SEMA3C: variants seen among roughly 807,000 people sequenced by gnomAD.
The protein encoded by SEMA3C is semaphorin-3C.
A neutral mutation model predicts 89.4 loss-of-function variants in SEMA3C; 47 were observed. That is an observed-to-expected ratio of 0.53 (90% confidence interval 0.42 to 0.67). The LOEUF (loss-of-function observed/expected upper bound fraction) is 0.67, where lower values mean the gene tolerates loss of function less well. SEMA3C is among the 30% of genes least tolerant of loss of function. The pLI is 0.00. For synonymous variants in SEMA3C, 310 were observed against 320.2 expected (o/e 0.97, Z 0.34); for missense variants, 839 against 929.1 (o/e 0.90, Z 1.26).
chr7:80,748,493 T>C (rs1366098718), intron 17 of SEMA3C, among the ~76,000 whole-genome samples: 1 of 152,186 alleles, frequency 6.6e-6, no homozygotes, highest in African/African-American at 2.4e-5. Context: ...ATGAAGGTTA[T>C]AGTTCAGTGT....
At chr7:80,895,299 A>G (rs757525777) in intron 2 of SEMA3C, among the ~76,000 whole-genome samples, 31 of 152,186 alleles carry the variant, frequency 2.0e-4, no homozygotes, top group Non-Finnish European at 3.5e-4. Flanking sequence ...AAGGGCAGAA[A>G]GCAATGGAAA....
At chr7:80,917,437 T>G (rs148495412) in intron 1 of SEMA3C, among the ~76,000 whole-genome samples, 1 of 152,206 alleles carries the variant, frequency 6.6e-6, no homozygotes, top group African/African-American at 2.4e-5. Context: ...GAAGTAACCA[T>G]GGACTAGTGC....
At chr7:80,915,600 G>C (rs59333816) in intron 2 of SEMA3C, 2 of 152,244 alleles carry the variant, frequency 1.3e-5, no homozygotes, top group Non-Finnish European at 2.9e-5. Context: ...AAATTAGCTC[G>C]GTGTGGTGGC....
chr7:80,902,139 G>C lies in SEMA3C; in HGVS notation c.103+14540C>G, dbSNP rs141588609. On this transcript the variant is annotated intron_variant, in intron 2 of 17. Coordinates refer to ENST00000265361, the MANE Select transcript of SEMA3C (RefSeq NM_006379.5). ...AACTAGTTTCTGTATGTTTTGTAGA[G>C]AAAGGATTTTACCATGTTACCTAGG... Among the ~76,000 whole-genome samples, 4 of 152,280 alleles carry C rather than the reference G, an allele frequency of 2.6e-5. No individual in the cohort carries two copies. The East Asian group carries it at 7.7e-4, about 29-fold the overall frequency.
At chr7:80,842,942 G>T (rs747722973) in intron 2 of SEMA3C, among the ~76,000 whole-genome samples, 11 of 152,038 alleles carry the variant, frequency 7.2e-5, no homozygotes, top group Non-Finnish European at 1.3e-4. Flanking sequence ...AATATGAAAA[G>T]AACAAAATTA....
Position 80,758,428 on chromosome 7 carries a change from T to C in SEMA3C, c.1546A>G (p.Ile516Val). The change falls in exon 15 of 18, where the codon ATC (isoleucine) becomes GTC (valine). Residue 516 changes from isoleucine to valine, a missense_variant. Ile to Val is a conservative substitution (Grantham distance 29, BLOSUM62 3). Transcript: ENST00000265361. Reference protein sequence around the residue: ...VSQVSLHRCHIYGTACADCCL... With the variant: ...VSQVSLHRCHVYGTACADCCL... ...CAGTCAGCACAGGCTGTACCATAGA[T>C]GTGGCAGCGGTGCAGAGATACCTGG... The C allele has an allele frequency of 6.2e-7, 1 of 1,614,046 alleles. No homozygotes were observed. Among genetic ancestry groups the C allele is most frequent in the South Asian group, 1.1e-5 (1 of 91,072 alleles).
chr7:80,801,380 G>T (rs1323183647), intron 9 of SEMA3C, among the ~76,000 whole-genome samples: 2 of 151,996 alleles, frequency 1.3e-5, no homozygotes. Context: ...AATTGCTAGT[G>T]ATACTTTTAT....
At chr7:80,791,448 C>A (rs1046869945) in intron 11 of SEMA3C, among the ~76,000 whole-genome samples, 11 of 152,136 alleles carry the variant, frequency 7.2e-5, no homozygotes, top group Admixed American at 7.2e-4. Flanking sequence ...ACAGCACTAT[C>A]GTGTTGGTTT....
At position 80,841,737 on chromosome 7, in the gene SEMA3C, T is replaced by G. The variant is rs1327888880; in HGVS notation, c.104-12992A>C. 4.6e-5 allele frequency among the ~76,000 whole-genome samples: 7 copies of G among 152,192 alleles called. No individual in the cohort carries two copies. In the South Asian group the frequency reaches 8.3e-4, roughly 18 times the overall value. On this transcript the variant is annotated intron_variant, in intron 2 of 17. Coordinates refer to ENST00000265361, the MANE Select transcript of SEMA3C (RefSeq NM_006379.5). ...TTCACTTGATGCATTCTTAAACTCATTTTCTTTTGAACACAGGAAAAATAT... is the reference window on the plus strand; with the variant it reads ...TTCACTTGATGCATTCTTAAACTCAGTTTCTTTTGAACACAGGAAAAATAT...
Position 80,761,640 on chromosome 7 carries a change from T to C in SEMA3C, c.1461A>G (p.Thr487=). Residue 487 remains threonine (T), a synonymous_variant, in exon 14 of 18, where the codon ACA becomes ACG. Coordinates refer to ENST00000265361, the MANE Select transcript of SEMA3C (RefSeq NM_006379.5). The part of the protein sequence containing the change: ...LEVFKNHAPI[T]TMKISSKKQQ... Reference sequence around the variant, plus strand: ...CCTTTTTAGATGAAATTTTCATTGTTGTTATAGGAGCATGATTCTAAAATA... The same window carrying C: ...CCTTTTTAGATGAAATTTTCATTGTCGTTATAGGAGCATGATTCTAAAATA... 1.5e-6 allele frequency: 2 copies of C among 1,347,858 alleles called. No homozygotes were observed. The highest frequency in any genetic ancestry group is 2.0e-6 in the Non-Finnish European group (2 of 976,890). The allele number at this position is 1,347,858 out of a possible 1,614,324, so 83.5% of individuals were successfully genotyped here. A position where few individuals can be genotyped will look rare whatever the true frequency, so the allele number is the denominator to read the frequency against.
At chr7:80,908,170 C>A (rs1282266630) in intron 2 of SEMA3C, among the ~76,000 whole-genome samples, 5 of 152,072 alleles carry the variant, frequency 3.3e-5, no homozygotes, top group African/African-American at 1.2e-4. Context: ...ACTGTGATCA[C>A]ATATATTATT....
In SEMA3C at chr7:80,781,040, C is replaced by T. The variant is rs575547337; in HGVS notation, c.1354+8266G>A. ...CATTTTCCAGCTTCTAGAGACCACC[C>T]GCTTTCCTTGGCATATGGTCTCATT... On this transcript the variant is annotated intron_variant, in intron 12 of 17. Transcript: ENST00000265361. Among the ~76,000 whole-genome samples, 4 of 152,294 alleles carry T rather than the reference C, an allele frequency of 2.6e-5. No individual in the cohort carries two copies. In the South Asian group the frequency reaches 6.2e-4, roughly 24 times the overall value.
At chr7:80,760,900 A>G (rs1788168816) in intron 14 of SEMA3C, among the ~76,000 whole-genome samples, 1 of 152,152 alleles carries the variant, frequency 6.6e-6, no homozygotes, top group African/African-American at 2.4e-5. Flanking sequence ...CTCCATTCTC[A>G]CTATATTACT....
At position 80,837,271 on chromosome 7, in the gene SEMA3C, G is replaced by A. The variant is rs140401547; in HGVS notation, c.104-8526C>T. On this transcript the variant is annotated intron_variant, in intron 2 of 17. Transcript: ENST00000265361. ...AACACATAGGAATGCTAAGTTTTCT[G>A]GGATTTGACATTTTCAGGAATCGAG... 8.3e-3 allele frequency among the ~76,000 whole-genome samples: 1,266 copies of A among 152,242 alleles called. 19 individuals carry two copies. The highest frequency in any genetic ancestry group is 0.04 in the South Asian group (195 of 4,822).
intron 2 of SEMA3C, among the ~76,000 whole-genome samples, chr7:80,833,508 C>T (rs989308230): frequency 3.9e-5 from 6 of 151,900 alleles, no homozygotes; most frequent in African/African-American, 1.5e-4. Flanking sequence ...CAATCTATCG[C>T]ATTAATTCAA....
chr7:80,833,771 A>T (rs35230654), intron 2 of SEMA3C, among the ~76,000 whole-genome samples: 9 of 146,908 alleles, frequency 6.1e-5, no homozygotes, highest in Admixed American at 6.8e-5. Context: ...AGAAACGACC[A>T]TTTTTTTTTT....
chr7:80,815,760 T>C (rs533308843), intron 5 of SEMA3C, among the ~76,000 whole-genome samples: 2 of 152,244 alleles, frequency 1.3e-5, no homozygotes, highest in Non-Finnish European at 2.9e-5. Flanking sequence ...TTGATACCTA[T>C]GACACTCTTG....
At chr7:80,912,496 C>A (rs1232928128) in intron 2 of SEMA3C, among the ~76,000 whole-genome samples, 1 of 152,134 alleles carries the variant, frequency 6.6e-6, no homozygotes, top group East Asian at 1.9e-4. Flanking sequence ...CAGGTAATGT[C>A]CAACTCACAA....
chr7:80,919,979 T>C (rs1303718967), upstream of SEMA3C, among the ~76,000 whole-genome samples: 1 of 152,192 alleles, frequency 6.6e-6, no homozygotes, highest in Non-Finnish European at 1.5e-5. Context: ...GCAGTAATTC[T>C]GTTGACCCCT....
Sources: allele counts gnomAD v4.1 joint callset (sites outside exome capture counted in the v4.1 genomes callset), GRCh38; gene constraint gnomAD v4.1.1; transcripts MANE v1.5; gene names NCBI Gene and HGNC (gene_info 2026-07-23, HGNC 2026-07-21).